The following NFKBIZ variants were observed in gnomAD, a reference collection of about 807,000 sequenced individuals.
NFKBIZ encodes the protein NF-kappa-B inhibitor zeta.
Under a neutral mutation model 76.8 loss-of-function variants are expected in NFKBIZ, and 19 were observed. The observed-to-expected ratio is 0.25, with a 90% CI of 0.17 to 0.36. The LOEUF (loss-of-function observed/expected upper bound fraction) is 0.36. NFKBIZ is among the 10% of genes least tolerant of loss of function. NFKBIZ has a pLI of 1.00. For synonymous variants in NFKBIZ, 368 were observed against 354.8 expected, an observed-to-expected ratio of 1.04 and a Z score of -0.42; for missense variants, 829 against 910.9, an observed-to-expected ratio of 0.91 and a Z score of 1.16.
intron 11 of NFKBIZ, among the ~76,000 whole-genome samples, chr3:101,858,674 C>A (rs1366426217): frequency 6.6e-6 from 1 of 152,146 alleles, no homozygotes; most frequent in African/African-American, 2.4e-5. Context: ...TCAGTTGTAT[C>A]CCCTACCCCA....
At chr3:101,831,951 A>G (rs1004344175) in intron 2 of NFKBIZ, among the ~76,000 whole-genome samples, 7 of 151,972 alleles carry the variant, frequency 4.6e-5, no homozygotes, top group South Asian at 2.1e-4. Flanking sequence ...CCCAAGCTGG[A>G]GTGCAGTGGC....
In NFKBIZ at chr3:101,853,152, A is replaced by G; in HGVS notation, c.626A>G (p.Lys209Arg). Residue 209 changes from lysine (K) to arginine (R), a missense_variant, in exon 5 of 12, where the codon AAA (lysine) becomes AGA (arginine). Physicochemically the swap from Lys to Arg is conservative, Grantham distance 26 (BLOSUM62 2). Around this residue, in one of 4 missense-constraint regions of NFKBIZ, gnomAD observed 371 missense variants for 332.3 expected, o/e 1.12. Transcript: ENST00000326172. ...GAAGATGTTCATCTCAATGAACCCA[A>G]ACAGGAGAGCAGTGCTGATCTGCTT... ...SMEDVHLNEP[K>R]QESSADLLQN... 1 of 1,614,184 alleles carries G rather than the reference A, an allele frequency of 6.2e-7. No individual in the cohort carries two copies. Among genetic ancestry groups the G allele is most frequent in the Non-Finnish European group, 8.5e-7 (1 of 1,180,044 alleles).
chr3:101,851,790 G>A (rs1450518903), intron 1 of NFKBIZ, among the ~76,000 whole-genome samples: 2 of 152,224 alleles, frequency 1.3e-5, no homozygotes, highest in African/African-American at 4.8e-5. Flanking sequence ...TTAGAGCTGA[G>A]AGATAGAGAG....
At chr3:101,844,966 A>G (rs954831853), upstream of NFKBIZ, among the ~76,000 whole-genome samples, 1 of 152,150 alleles carries the variant, frequency 6.6e-6, no homozygotes, top group African/African-American at 2.4e-5. Flanking sequence ...CATTACATCT[A>G]CACTTAAAAA....
At position 101,857,242 on chromosome 3, in the gene NFKBIZ, A is replaced by G; in HGVS notation, c.1936-50A>G. On this transcript the variant is annotated intron_variant, in intron 10 of 11. Transcript: ENST00000326172. ...CTCTCAAAGTTTTTGAGCTCCTTTC[A>G]TGAAATTTCCCCCTTCCTGATGTCT... 6 of 1,611,616 alleles carry G rather than the reference A, an allele frequency of 3.7e-6. 1 individual carries two copies. The highest frequency in any genetic ancestry group is 2.2e-5 in the South Asian group (2 of 91,002).
At chr3:101,828,268 C>CA (rs1455724595) in intron 1 of NFKBIZ, 4 of 151,616 alleles carry the variant, frequency 2.6e-5, no homozygotes, top group Non-Finnish European at 5.9e-5. Context: ...TTCCCATAGT[C>CA]AGATTCTTAA....
upstream of NFKBIZ, among the ~76,000 whole-genome samples, chr3:101,846,934 C>G (rs1942859851): frequency 6.6e-6 from 1 of 152,214 alleles, no homozygotes; most frequent in Admixed American, 6.5e-5. Flanking sequence ...GCCTGAGAAC[C>G]AGGTGAGCTG....
In NFKBIZ at chr3:101,860,192, T is replaced by C. The variant is rs1160925911; in HGVS notation, c.*821T>C. 1.3e-5 allele frequency: 2 copies of C among 152,002 alleles called. No individual in the cohort carries two copies. Among genetic ancestry groups the C allele is most frequent in the African/African-American group, 2.4e-5 (1 of 41,368 alleles). The allele number at this position is 152,002 out of a possible 1,614,324, so 9.4% of individuals were successfully genotyped here. ...AGGGAATTGCATGCTTTTTTTTTTT[T>C]TTCTCCCGAGACAGGGTCTTGCTCT... On this transcript the variant is annotated 3_prime_UTR_variant, in exon 12 of 12. Transcript: ENST00000326172.
intron 1 of NFKBIZ, 44 bp downstream of exon 1, chr3:101,849,961 C>A: frequency 7.4e-7 from 1 of 1,346,418 alleles, no homozygotes; most frequent in African/African-American, 1.5e-5. Context: ...GGCGCGCACG[C>A]CTAGGAGGTT....
chr3:101,857,208 C>G, intron 10 of NFKBIZ, 25 bp downstream of exon 10: 1 of 1,612,310 alleles, frequency 6.2e-7, no homozygotes, highest in Non-Finnish European at 8.5e-7. Context: ...GAATGGCCTT[C>G]TGTACACCCT....
chr3:101,849,619 G>A lies in NFKBIZ; in HGVS notation c.-10G>A, dbSNP rs751254375. On this transcript the variant is annotated 5_prime_UTR_variant, in exon 1 of 12. Transcript: ENST00000326172. Reference sequence around the variant, plus strand: ...AGGTGTCGGGGTCCTCGAGCGCCCAGCCTGGGAGCATGATTGTGGACAAGC... The same window carrying A: ...AGGTGTCGGGGTCCTCGAGCGCCCAACCTGGGAGCATGATTGTGGACAAGC... 18 of 1,348,498 alleles carry A rather than the reference G, an allele frequency of 1.3e-5. No homozygotes were observed. The highest frequency in any genetic ancestry group is 1.7e-5 in the Non-Finnish European group (18 of 1,055,076). 83.5% of individuals were successfully genotyped at this position (1,348,498 alleles called of 1,614,324 possible).
At chr3:101,842,069 C>T (rs906803630) in intron 2 of NFKBIZ, among the ~76,000 whole-genome samples, 3 of 152,106 alleles carry the variant, frequency 2.0e-5, no homozygotes, top group Non-Finnish European at 4.4e-5. Flanking sequence ...TTTAGCACAT[C>T]CTAAGAGCTA....
At chr3:101,834,128 G>A (rs1300243799) in intron 2 of NFKBIZ, among the ~76,000 whole-genome samples, 1 of 152,170 alleles carries the variant, frequency 6.6e-6, no homozygotes, top group Non-Finnish European at 1.5e-5. Flanking sequence ...GTGAGGTAGA[G>A]TGGCAGGAGC....
intron 1 of NFKBIZ, among the ~76,000 whole-genome samples, chr3:101,851,270 G>A (rs1449281317): frequency 6.6e-6 from 1 of 152,232 alleles, no homozygotes. Flanking sequence ...ACATAATAGT[G>A]ATCAGAAGTG....
chr3:101,843,456 A>T (rs1191874235), intron 2 of NFKBIZ, among the ~76,000 whole-genome samples: 1 of 150,320 alleles, frequency 6.7e-6, no homozygotes, highest in Admixed American at 6.6e-5. Context: ...AAAAAGAAAC[A>T]TGTGTCACAA....
intron 2 of NFKBIZ, among the ~76,000 whole-genome samples, chr3:101,840,510 T>C (rs775993104): frequency 2.6e-5 from 4 of 152,242 alleles, no homozygotes; most frequent in Non-Finnish European, 5.9e-5. Context: ...ATATGCATTT[T>C]ATAGTATGTG....
At chr3:101,849,305 C>A, upstream of NFKBIZ, 1 of 231,752 alleles carries the variant, frequency 4.3e-6, no homozygotes. Flanking sequence ...AGGCAAACAA[C>A]CGGTCGGTCT....
rs931329370 is a variant in NFKBIZ at position 101,839,964 on chromosome 3, C to T, written c.-12+10276C>T. Among the ~76,000 whole-genome samples the T allele has an allele frequency of 7.9e-5, 12 of 151,918 alleles. No homozygotes were observed. In the East Asian group the frequency reaches 1.2e-3, roughly 15 times the overall value. On this transcript the variant is annotated intron_variant, in intron 2 of 12. Coordinates refer to the NFKBIZ transcript ENST00000394054. ...ACTATGTATTACTGTCTAGAATCTG[C>T]GGATTTGTGTAGGAAAGAGTGTCAC...
intron 2 of NFKBIZ, among the ~76,000 whole-genome samples, chr3:101,843,385 A>G (rs1273941765): frequency 1.3e-5 from 2 of 152,154 alleles, no homozygotes; most frequent in African/African-American, 2.4e-5. Flanking sequence ...AGAGGTTACA[A>G]TGAGCTATAA....
Sources: gnomAD v4.1 joint callset for allele counts (sites outside exome capture counted in the v4.1 genomes callset) on GRCh38, gnomAD v4.1.1 for gene constraint, gnomAD v4.1.1 regional missense constraint, MANE v1.5 for transcripts, NCBI Gene and HGNC (gene_info 2026-07-23, HGNC 2026-07-21) for gene names.